The following SDHA variants were observed in gnomAD, a reference collection of about 807,000 sequenced individuals.
SDHA encodes succinate dehydrogenase complex flavoprotein subunit A, also known as succinate dehydrogenase [ubiquinone] flavoprotein subunit, mitochondrial.
Under a neutral mutation model 78.4 loss-of-function variants are expected in SDHA, and 48 were observed. That is an observed-to-expected ratio of 0.61 (90% CI 0.49 to 0.78). SDHA has a LOEUF of 0.78. SDHA is among the 30% of genes least tolerant of loss of function. The probability of loss-of-function intolerance (pLI) is 0.00; values close to 1 mark genes in which losing one functional copy is unlikely to be tolerated. For missense variants in SDHA, 680 were observed against 892.7 expected (o/e 0.76, Z 3.04); for synonymous variants, 326 against 353.9 (o/e 0.92, Z 0.88).
chr5:221,351 A>C (rs1251475907), intron 1 of SDHA, among the ~76,000 whole-genome samples: 1 of 152,182 alleles, frequency 6.6e-6, no homozygotes, highest in East Asian at 1.9e-4. Context: ...GAGGGGATTT[A>C]GTTCACTTAA....
At chr5:236,652 A>C in intron 10 of SDHA, 53 bp downstream of exon 10, 2 of 1,575,654 alleles carry the variant, frequency 1.3e-6, no homozygotes, top group Non-Finnish European at 1.7e-6. Flanking sequence ...GGACGTTAGA[A>C]AGTCTTTTTT....
At chr5:229,097 T>A (rs936012351) in intron 6 of SDHA, among the ~76,000 whole-genome samples, 1 of 143,770 alleles carries the variant, frequency 7.0e-6, no homozygotes, top group Non-Finnish European at 1.5e-5. Flanking sequence ...TTAGAATGAC[T>A]GTTACCAAGA....
At chr5:222,436 C>T (rs558129686) in intron 1 of SDHA, among the ~76,000 whole-genome samples, 1 of 151,420 alleles carries the variant, frequency 6.6e-6, no homozygotes, top group Non-Finnish European at 1.5e-5. Flanking sequence ...CAGCCTCTGC[C>T]TTCTGGGTTC....
At chr5:256,223 A>G in intron 14 of SDHA, 111 bp from the exon 15 acceptor site, 1 of 827,646 alleles carries the variant, frequency 1.2e-6, no homozygotes, top group Non-Finnish European at 2.1e-6. Flanking sequence ...AGAATCTTAA[A>G]GTTCACATGC....
At chr5:253,224 C>T (rs1351139623) in intron 13 of SDHA, 11 of 152,136 alleles carry the variant, frequency 7.2e-5, no homozygotes, top group African/African-American at 9.7e-5. Context: ...CGTGTGTAGG[C>T]GGCTGGTGGC....
downstream of SDHA, among the ~76,000 whole-genome samples, chr5:258,562 G>A (rs1162440243): frequency 1.6e-5 from 2 of 126,828 alleles, no homozygotes; most frequent in African/African-American, 7.1e-5. Flanking sequence ...GAGCCTTGCC[G>A]TGAGCTCCGC....
chr5:256,525 G>A lies in SDHA; in HGVS notation c.*105G>A. ...TCTTCATACGCTTCTGCACTCTGGG[G>A]AAGAAGGAGTACATTGAAGGGAGAT... On this transcript the variant is annotated 3_prime_UTR_variant, in exon 15 of 15. Transcript: ENST00000264932. 4 of 1,050,274 alleles carry A rather than the reference G, an allele frequency of 3.8e-6. No homozygotes were observed. The Admixed American group carries it at 5.6e-5, about 15-fold the overall frequency. The allele number at this position is 1,050,274 out of a possible 1,614,324, so 65.1% of individuals were successfully genotyped here. A position where few individuals can be genotyped will look rare whatever the true frequency, so the allele number is the denominator to read the frequency against.
In SDHA at chr5:256,399, G is replaced by A. The variant is rs1042446; in HGVS notation, c.1974G>A (p.Pro658=). The A allele has an allele frequency of 1.4e-5, 20 of 1,443,914 alleles. No homozygotes were observed. The highest frequency in any genetic ancestry group is 5.3e-5 in the Admixed American group (3 of 56,184). 89.4% of individuals were successfully genotyped at this position (1,443,914 alleles called of 1,614,324 possible). A position where few individuals can be genotyped will look rare whatever the true frequency, so the allele number is the denominator to read the frequency against. ...TLNEADCATV[P]PAIRSY Reference sequence around the variant, plus strand: ...ACGAGGCTGACTGTGCCACCGTCCCGCCAGCCATTCGCTCCTACTGATGAG... The same window carrying A: ...ACGAGGCTGACTGTGCCACCGTCCCACCAGCCATTCGCTCCTACTGATGAG... Residue 658 remains proline, a synonymous_variant, in exon 15 of 15, where the codon CCG becomes CCA. Coordinates refer to ENST00000264932, the MANE Select transcript of SDHA (RefSeq NM_004168.4).
At chr5:265,137 C>A in the SDHA span, among the ~76,000 whole-genome samples, 2 of 152,038 alleles carry the variant, frequency 1.3e-5, no homozygotes, top group Non-Finnish European at 2.9e-5. Flanking sequence ...AACCAGGAGG[C>A]GGAGGTTGCA....
chr5:257,117 A>G (rs1173543780), downstream of SDHA, among the ~76,000 whole-genome samples: 2 of 152,184 alleles, frequency 1.3e-5, no homozygotes, highest in Non-Finnish European at 2.9e-5. Context: ...TCTAAGTTCA[A>G]ATTAATGTTG....
At chr5:233,375 A>G (rs1735534191) in intron 7 of SDHA, 102 bp from the exon 8 acceptor site, 22 of 1,282,552 alleles carry the variant, frequency 1.7e-5, no homozygotes, top group South Asian at 1.4e-4. Flanking sequence ...CCTTCTGCTT[A>G]TCTTTTTCCT....
rs2126578502 is a variant in SDHA at position 233,652 on chromosome 5, G to A, written c.1064+7G>A. 6.2e-7 allele frequency: 1 copy of A among 1,613,876 alleles called. No individual in the cohort carries two copies. The highest frequency in any genetic ancestry group is 1.7e-5 in the Admixed American group (1 of 60,016). On this transcript the variant is annotated splice_region_variant and intron_variant, in intron 8 of 14. Coordinates refer to ENST00000264932, the MANE Select transcript of SDHA (RefSeq NM_004168.4). ...TGGAGATCCGAGAAGGAAGGTGCGT[G>A]TGATTTACCACCAGCACTGTCTGAG...
At chr5:235,622 C>T in intron 9 of SDHA, 1 of 463,002 alleles carries the variant, frequency 2.2e-6, no homozygotes, top group Non-Finnish European at 4.0e-6. Flanking sequence ...TGATCTTACA[C>T]ATCAAGGGAT....
intron 1 of SDHA, among the ~76,000 whole-genome samples, chr5:218,853 G>A (rs1426089155): frequency 6.6e-6 from 1 of 152,174 alleles, no homozygotes; most frequent in African/African-American, 2.4e-5. Flanking sequence ...CCTCTGTGCG[G>A]GTTGTCCTGA....
At chr5:218,526 C>T (rs868190686) in intron 1 of SDHA, 108 bp downstream of exon 1, 36 of 872,654 alleles carry the variant, frequency 4.1e-5, no homozygotes, top group Middle Eastern at 7.8e-4. Flanking sequence ...GTCCCTGCGC[C>T]CTCTGTCCCG....
chr5:266,425 C>T, the SDHA span, among the ~76,000 whole-genome samples: 1 of 152,098 alleles, frequency 6.6e-6, no homozygotes. Flanking sequence ...CCAAAACAAA[C>T]CTTCAGACCA....
chr5:251,230 T>A, intron 12 of SDHA, 108 bp from the exon 13 acceptor site: 3 of 1,502,264 alleles, frequency 2.0e-6, no homozygotes, highest in Non-Finnish European at 2.8e-6. Flanking sequence ...CCCACAGCTA[T>A]AAAGCCACAA....
chr5:242,739 A>T (rs1736224908), intron 11 of SDHA, among the ~76,000 whole-genome samples: 1 of 152,156 alleles, frequency 6.6e-6, no homozygotes, highest in African/African-American at 2.4e-5. Context: ...AGGACACCTG[A>T]GTACTCTTAC....
intron 5 of SDHA, among the ~76,000 whole-genome samples, chr5:226,790 A>G (rs2126553021): frequency 6.6e-6 from 1 of 151,676 alleles, no homozygotes; most frequent in East Asian, 2.0e-4. Flanking sequence ...TTAGCCAGGC[A>G]TGGTGGCAGG....
Sources: gnomAD v4.1 joint callset for allele counts (sites outside exome capture counted in the v4.1 genomes callset) on GRCh38, gnomAD v4.1.1 for gene constraint, MANE v1.5 for transcripts, NCBI Gene and HGNC (gene_info 2026-07-23, HGNC 2026-07-21) for gene names.